The following CCDC77 variants were observed in gnomAD, a reference collection of about 807,000 sequenced individuals.
The protein encoded by CCDC77 is coiled-coil domain containing 77, also known as coiled-coil domain-containing protein 77.
CCDC77 carries 56 observed loss-of-function variants against 66.8 expected under a neutral mutation model. The observed-to-expected ratio is 0.84, with a 90% CI of 0.68 to 1.05. The LOEUF is 1.05. Among genes scored for constraint, CCDC77 ranks in the 50% least tolerant of loss-of-function variants. CCDC77 has a pLI of 0.00. For missense variants in CCDC77, 570 were observed against 576.8 expected, an observed-to-expected ratio of 0.99 and a Z score of 0.12; for synonymous variants, 196 against 195.2, an observed-to-expected ratio of 1.00 and a Z score of -0.03.
At chr12:396,566 G>A (rs989630789) in intron 1 of CCDC77, among the ~76,000 whole-genome samples, 2 of 152,136 alleles carry the variant, frequency 1.3e-5, no homozygotes, top group African/African-American at 4.8e-5. Flanking sequence ...TTGGTACCCA[G>A]GAATTGCCTG....
At chr12:392,941 G>T (rs915059405) in intron 1 of CCDC77, among the ~76,000 whole-genome samples, 1 of 151,450 alleles carries the variant, frequency 6.6e-6, no homozygotes, top group South Asian at 2.1e-4. Context: ...GAGAAGAGTG[G>T]CATTGGTTTA....
At chr12:429,241 CAT>C (rs1266307666) in intron 6 of CCDC77, among the ~76,000 whole-genome samples, 1 of 152,116 alleles carries the variant, frequency 6.6e-6, no homozygotes, top group Non-Finnish European at 1.5e-5. Context: ...AGTAATCTAT[CAT>C]ATAAAAGTGG....
chr12:414,917 T>C (rs1417610480), intron 4 of CCDC77, among the ~76,000 whole-genome samples: 3 of 152,222 alleles, frequency 2.0e-5, no homozygotes, highest in Non-Finnish European at 2.9e-5. Context: ...CCAGTTGGCC[T>C]CACACTTTTC....
Position 438,366 on chromosome 12 carries a change from AGCAC to A in CCDC77, c.854_857del (p.Ser285ThrfsTer25). 2.5e-6 allele frequency: 4 copies of A among 1,614,060 alleles called. No individual in the cohort carries two copies. Among genetic ancestry groups the A allele is most frequent in the Non-Finnish European group, 3.4e-6 (4 of 1,179,958 alleles). On this transcript the variant is annotated frameshift_variant, in exon 10 of 13. Coordinates refer to ENST00000239830, the MANE Select transcript of CCDC77 (RefSeq NM_032358.4). LOFTEE classifies it high-confidence loss of function. ...CCACACCCAAGAACTGCTCTATGAG[AGCAC>A]CAAAGATTTTCTGCAACTCAGATCT...
At chr12:389,571 C>CGAGGCGGGGCGAGGCGGGGCGAGGCTG (rs57308009) in intron 1 of CCDC77, 5 of 223,942 alleles carry the variant, frequency 2.2e-5, no homozygotes, top group Non-Finnish European at 3.7e-5. Context: ...GGGCGAGGCG[C>CGAGGCGGGGCGAGGCGGGGCGAGGCTG]AACGAGGCGG....
intron 4 of CCDC77, among the ~76,000 whole-genome samples, 183 bp downstream of exon 4, chr12:412,161 C>T (rs1945124842): frequency 6.6e-6 from 1 of 152,190 alleles, no homozygotes; most frequent in Admixed American, 6.5e-5. Context: ...TGCCCTTCCT[C>T]TCAAATCTTA....
chr12:413,966 C>T (rs574524948), intron 4 of CCDC77, among the ~76,000 whole-genome samples: 1 of 151,706 alleles, frequency 6.6e-6, no homozygotes, highest in African/African-American at 2.4e-5. Context: ...CGGTCCTTGC[C>T]ATGCCACTAA....
intron 4 of CCDC77, among the ~76,000 whole-genome samples, chr12:413,275 C>T (rs1039276811): frequency 1.3e-5 from 2 of 149,746 alleles, no homozygotes; most frequent in Admixed American, 6.7e-5. Flanking sequence ...CTTACTCTGT[C>T]GCCCAGGCTG....
rs117243431 is a variant in CCDC77, at chr12:410,428, C to T, written c.38+1007C>T. On this transcript the variant is annotated intron_variant, in intron 3 of 12. Coordinates refer to ENST00000239830, the MANE Select transcript of CCDC77 (RefSeq NM_032358.4). ...GATTACACACGCGTGCCACCAGGCC[C>T]GGCTGATTTTTGTATTTTCGGTAGA... Among the ~76,000 whole-genome samples, 1,185 of 151,736 alleles carry T rather than the reference C, an allele frequency of 7.8e-3. 3 individuals carry two copies. Among genetic ancestry groups the T allele is most frequent in the Non-Finnish European group, 0.011 (760 of 67,906 alleles).
At chr12:415,321 A>AT (rs1945208696) in intron 4 of CCDC77, among the ~76,000 whole-genome samples, 2 of 72,676 alleles carry the variant, frequency 2.8e-5, no homozygotes, top group Non-Finnish European at 5.1e-5. Flanking sequence ...ATGTTAATAT[A>AT]ATCAACATAA....
chr12:402,094 A>T (rs1944907481), intron 1 of CCDC77, among the ~76,000 whole-genome samples: 1 of 152,236 alleles, frequency 6.6e-6, no homozygotes, highest in South Asian at 2.1e-4. Flanking sequence ...TAAAAGAAAA[A>T]AATTCAAAGT....
chr12:430,686 T>C lies in CCDC77; in HGVS notation c.533T>C (p.Ile178Thr). 1 of 1,613,946 alleles carries C rather than the reference T, an allele frequency of 6.2e-7. No homozygotes were observed. The highest frequency in any genetic ancestry group is 8.5e-7 in the Non-Finnish European group (1 of 1,179,802). Reference protein sequence around the residue: ...PHKVTILQKTIQAVGECEQSE... With the variant: ...PHKVTILQKTTQAVGECEQSE... Reference sequence around the variant, plus strand: ...CAGGTCACCATTCTCCAAAAGACTATCCAGGCTGTAGGTGAATGTGAGCAG... The same window carrying C: ...CAGGTCACCATTCTCCAAAAGACTACCCAGGCTGTAGGTGAATGTGAGCAG... The change falls in exon 7 of 13, where the codon ATC becomes ACC. Residue 178 changes from isoleucine to threonine, a missense_variant. Physicochemically the swap from Ile to Thr is moderately conservative, Grantham distance 89 (BLOSUM62 -1). Coordinates refer to ENST00000239830, the MANE Select transcript of CCDC77 (RefSeq NM_032358.4).
intron 5 of CCDC77, among the ~76,000 whole-genome samples, chr12:423,465 T>G (rs1945454788): frequency 1.6e-5 from 1 of 60,980 alleles, no homozygotes; most frequent in Non-Finnish European, 3.0e-5. Flanking sequence ...CTGGGTGTTT[T>G]TTGTGTTTTT....
intron 10 of CCDC77, among the ~76,000 whole-genome samples, chr12:440,245 T>TC (rs755788845): frequency 6.6e-6 from 1 of 152,212 alleles, no homozygotes; most frequent in Admixed American, 6.5e-5. Context: ...TTTTAACTGC[T>TC]CAATAGGGCA....
chr12:425,333 T>C (rs1466043169), intron 5 of CCDC77, among the ~76,000 whole-genome samples: 1 of 151,252 alleles, frequency 6.6e-6, no homozygotes, highest in African/African-American at 2.5e-5. Flanking sequence ...TTCTCAGCTG[T>C]AGACAGCATG....
At position 425,363 on chromosome 12, in the gene CCDC77, G is replaced by A. The variant is rs538276145; in HGVS notation, c.414-3406G>A. On this transcript the variant is annotated intron_variant, in intron 5 of 12. Transcript: ENST00000239830. Reference sequence around the variant, plus strand: ...AGCATGGTCTCGCTCCAGATTCTCAGAGGGTCTGTTAGGATTCTTGTCGTG... The same window carrying A: ...AGCATGGTCTCGCTCCAGATTCTCAAAGGGTCTGTTAGGATTCTTGTCGTG... Among the ~76,000 whole-genome samples, 5 of 148,230 alleles carry A rather than the reference G, an allele frequency of 3.4e-5. No homozygotes were observed. In the South Asian group the frequency reaches 1.0e-3, roughly 31 times the overall value.
intron 6 of CCDC77, among the ~76,000 whole-genome samples, chr12:430,048 T>C (rs1363691812): frequency 6.6e-6 from 1 of 152,196 alleles, no homozygotes; most frequent in Non-Finnish European, 1.5e-5. Context: ...GGCTGGAGTG[T>C]AATGGTGCAA....
At chr12:406,756 G>T (rs1202029186) in intron 2 of CCDC77, among the ~76,000 whole-genome samples, 1 of 152,186 alleles carries the variant, frequency 6.6e-6, no homozygotes, top group Non-Finnish European at 1.5e-5. Context: ...AGACCAGCCT[G>T]GCCAACATGG....
chr12:440,920 T>G lies in CCDC77; in HGVS notation c.1244T>G (p.Leu415Arg). Residue 415 changes from leucine (L) to arginine (R), a missense_variant, in exon 12 of 13, where the codon CTG becomes CGG. By Grantham distance (102) the Leu-to-Arg change is moderately radical. Coordinates refer to ENST00000239830, the MANE Select transcript of CCDC77 (RefSeq NM_032358.4). ...RYEALERRRI[L>R]EVEGFKTDIK... is the part of the protein sequence containing the mutation. ...GAGGCATTGGAGCGTCGACGTATCC[T>G]GGAAGTAGAAGGCTTTAAGACAGAT... 6.2e-7 allele frequency: 1 copy of G among 1,613,770 alleles called. No homozygotes were observed. Among genetic ancestry groups the G allele is most frequent in the Non-Finnish European group, 8.5e-7 (1 of 1,180,012 alleles).
Sources: allele counts gnomAD v4.1 joint callset (sites outside exome capture counted in the v4.1 genomes callset), GRCh38; gene constraint gnomAD v4.1.1; transcripts MANE v1.5; gene names NCBI Gene and HGNC (gene_info 2026-07-23, HGNC 2026-07-21).